Variants in PCDHGB3 observed in about 807,000 individuals in gnomAD.
PCDHGB3 encodes the protein protocadherin gamma subfamily B, 3, also known as protocadherin gamma-B3.
A neutral mutation model predicts 59.2 loss-of-function variants in PCDHGB3; 40 were observed. That is an observed-to-expected ratio of 0.68 (90% CI 0.52 to 0.88). The LOEUF (loss-of-function observed/expected upper bound fraction) is 0.88, where lower values mean the gene tolerates loss of function less well. Among genes scored for constraint, PCDHGB3 ranks in the 40% least tolerant of loss-of-function variants. PCDHGB3 has a pLI of 0.00. For synonymous variants in PCDHGB3, 581 were observed against 503.6 expected (o/e 1.15, Z -2.06); for missense variants, 1,309 against 1,187.9 (o/e 1.10, Z -1.50).
At chr5:141,461,394 G>A (rs2099014614) in intron 1 of PCDHGB3, among the ~76,000 whole-genome samples, 1 of 152,098 alleles carries the variant, frequency 6.6e-6, no homozygotes. Flanking sequence ...GATTAGCGAT[G>A]TTGAGCATTT....
intron 1 of PCDHGB3, chr5:141,413,563 A>G: frequency 6.2e-7 from 1 of 1,613,918 alleles, no homozygotes; most frequent in Non-Finnish European, 8.5e-7. Context: ...AGTAACTGAT[A>G]TCAATGACAA....
intron 1 of PCDHGB3, chr5:141,395,539 TG>T: frequency 9.6e-6 from 2 of 208,432 alleles, no homozygotes; most frequent in Non-Finnish European, 1.6e-5. Flanking sequence ...ATTTTGCTAT[TG>T]TTTGTGTGTG....
chr5:141,415,740 GT>G (rs57426385), intron 1 of PCDHGB3: 12,894 of 617,008 alleles, frequency 0.021, 1 homozygote, highest in South Asian at 0.027. Flanking sequence ...GTTTATTAAG[GT>G]TTTTTTTTTT....
intron 1 of PCDHGB3, chr5:141,419,373 T>C: frequency 1.9e-6 from 3 of 1,613,754 alleles, no homozygotes; most frequent in Non-Finnish European, 2.5e-6. Context: ...TCGTCCTACG[T>C]GTCCGTGAGC....
chr5:141,375,404 AAT>A, intron 1 of PCDHGB3: 2 of 1,613,912 alleles, frequency 1.2e-6, no homozygotes, highest in Non-Finnish European at 1.7e-6. Context: ...CATCTCTCTA[AAT>A]GTGGCAGACA....
In PCDHGB3 at chr5:141,406,998, A is replaced by G. The variant is rs138992041; in HGVS notation, c.2415+34189A>G. ...AACATTTCACAAGACATTTGAAAAT[A>G]AGCTTTGAAGTTGACTCAAAATTCT... On this transcript the variant is annotated intron_variant, in intron 1 of 3. Transcript: ENST00000576222. 7.5e-3 allele frequency among the ~76,000 whole-genome samples: 1,140 copies of G among 152,352 alleles called. 5 individuals carry two copies. The highest frequency in any genetic ancestry group is 0.012 in the Non-Finnish European group (837 of 68,024).
chr5:141,464,208 T>G (rs915798868), intron 1 of PCDHGB3, among the ~76,000 whole-genome samples: 1 of 148,120 alleles, frequency 6.8e-6, no homozygotes, highest in Admixed American at 6.9e-5. Context: ...GAGATTGCAG[T>G]GAGCTGAGAT....
At chr5:141,405,118 G>C (rs368800698) in intron 1 of PCDHGB3, 2 of 1,613,946 alleles carry the variant, frequency 1.2e-6, no homozygotes, top group Non-Finnish European at 8.5e-7. Flanking sequence ...GGCACTCCTC[G>C]CATCTGCTGC....
chr5:141,473,756 A>G (rs2099328139), intron 1 of PCDHGB3, among the ~76,000 whole-genome samples: 1 of 152,228 alleles, frequency 6.6e-6, no homozygotes, highest in African/African-American at 2.4e-5. Context: ...CTTGGATACT[A>G]TGCAAAGGAT....
intron 1 of PCDHGB3, chr5:141,421,585 G>A: frequency 1.2e-6 from 2 of 1,613,916 alleles, no homozygotes; most frequent in Non-Finnish European, 1.7e-6. Context: ...GATTTACGGA[G>A]TGGAGGTGGA....
chr5:141,422,871 G>A (rs769543752), intron 1 of PCDHGB3: 1 of 1,614,216 alleles, frequency 6.2e-7, no homozygotes, highest in Admixed American at 1.7e-5. Context: ...GCAACGTGTC[G>A]CTGAGCCTGT....
chr5:141,382,029 A>G (rs574099831), intron 1 of PCDHGB3, among the ~76,000 whole-genome samples: 1 of 151,502 alleles, frequency 6.6e-6, no homozygotes, highest in Non-Finnish European at 1.5e-5. Context: ...GGGTTTCTCC[A>G]TGTTGGTCAG....
At chr5:141,403,913 G>A (rs567115998) in intron 1 of PCDHGB3, 5 of 1,613,844 alleles carry the variant, frequency 3.1e-6, no homozygotes, top group Non-Finnish European at 8.5e-7. Context: ...GGAAATACAA[G>A]CTGAAGATGG....
At chr5:141,501,510 T>A (rs11744379) in intron 2 of PCDHGB3, among the ~76,000 whole-genome samples, 1 of 151,824 alleles carries the variant, frequency 6.6e-6, no homozygotes, top group African/African-American at 2.4e-5. Flanking sequence ...CTCCAAGGCC[T>A]CCAAGCTGAA....
In PCDHGB3 at chr5:141,413,327, A is replaced by T. The variant is rs200027912; in HGVS notation, c.2415+40518A>T. ...TTAGAGAAAGGCTCTTTCGTGGGCA[A>T]CATCTCCAAGGACTTGGGTCTGGCG... On this transcript the variant is annotated intron_variant, in intron 1 of 3. Transcript: ENST00000576222. The T allele has an allele frequency of 2.6e-4, 421 of 1,613,984 alleles. 1 individual carries two copies. The highest frequency in any genetic ancestry group is 1.1e-3 in the South Asian group (96 of 91,090).
intron 1 of PCDHGB3, chr5:141,413,154 A>G: frequency 6.3e-7 from 1 of 1,576,026 alleles, no homozygotes; most frequent in Middle Eastern, 1.7e-4. Context: ...AGGACTTTGC[A>G]GAATTCTGTA....
intron 1 of PCDHGB3, chr5:141,390,863 T>C (rs1292623547): frequency 6.6e-6 from 1 of 150,928 alleles, no homozygotes. Flanking sequence ...GTACGCTGTG[T>C]GTGCGTGTGT....
intron 1 of PCDHGB3, chr5:141,394,269 C>G (rs367765478): frequency 1.1e-5 from 17 of 1,613,830 alleles, no homozygotes; most frequent in Admixed American, 1.7e-5. Flanking sequence ...GGAGAATGCC[C>G]AGGTCACTTA....
intron 1 of PCDHGB3, among the ~76,000 whole-genome samples, chr5:141,425,919 G>C (rs11167745): frequency 0.3 from 45,848 of 152,124 alleles, 8,179 homozygotes; most frequent in African/African-American, 0.5. Context: ...CAGTCACTAC[G>C]AAAACTCATA....
Sources: gnomAD v4.1 joint callset for allele counts (sites outside exome capture counted in the v4.1 genomes callset) on GRCh38, gnomAD v4.1.1 for gene constraint, MANE v1.5 for transcripts, NCBI Gene and HGNC (gene_info 2026-07-23, HGNC 2026-07-21) for gene names.